Variants in PTPRT observed in about 807,000 individuals in gnomAD.
The protein encoded by PTPRT is receptor-type tyrosine-protein phosphatase T.
PTPRT carries 56 observed loss-of-function variants against 176.8 expected under a neutral mutation model. The ratio of observed to expected loss-of-function variants is 0.32; its 90% confidence interval spans 0.26 to 0.40. PTPRT has a LOEUF of 0.40. Ranked by LOEUF, PTPRT falls within the 10% of genes least tolerant of loss-of-function variation. The pLI, the probability that PTPRT is intolerant of heterozygous loss-of-function variation, is 1.00. For synonymous variants in PTPRT, 783 were observed against 739.0 expected (o/e 1.06, Z -0.96); for missense variants, 1,540 against 1,908.2 (o/e 0.81, Z 3.60).
chr20:42,034,525 T>C, the PTPRT span, among the ~76,000 whole-genome samples: 1 of 152,126 alleles, frequency 6.6e-6, no homozygotes, highest in Non-Finnish European at 1.5e-5. Context: ...TACCTAAAGA[T>C]TGAGTCTCAG....
intron 7 of PTPRT, among the ~76,000 whole-genome samples, chr20:42,583,419 G>A (rs914085863): frequency 6.6e-6 from 1 of 152,186 alleles, no homozygotes; most frequent in African/African-American, 2.4e-5. Flanking sequence ...TGTCTAAACA[G>A]CCATGCAAAA....
At chr20:43,027,544 A>G (rs1291549785) in intron 1 of PTPRT, among the ~76,000 whole-genome samples, 1 of 152,052 alleles carries the variant, frequency 6.6e-6, no homozygotes, top group East Asian at 1.9e-4. Flanking sequence ...AGAAGAAGAA[A>G]TTTGGACAGA....
intron 9 of PTPRT, among the ~76,000 whole-genome samples, chr20:42,443,498 G>A (rs140216317): frequency 2.0e-5 from 3 of 152,354 alleles, no homozygotes; most frequent in Admixed American, 6.5e-5. Context: ...CCACTAAAGT[G>A]CAAATCCCCA....
chr20:42,555,240 T>C (rs1304865717), intron 7 of PTPRT, among the ~76,000 whole-genome samples: 2 of 152,206 alleles, frequency 1.3e-5, no homozygotes, highest in African/African-American at 4.8e-5. Flanking sequence ...TCATCCATTG[T>C]TTATCTTCAT....
At chr20:42,614,934 T>A (rs1046548077) in intron 7 of PTPRT, among the ~76,000 whole-genome samples, 1 of 141,118 alleles carries the variant, frequency 7.1e-6, no homozygotes, top group East Asian at 2.0e-4. Flanking sequence ...TTTTTTTTTT[T>A]CTATTTTTTT....
the PTPRT span, among the ~76,000 whole-genome samples, chr20:42,031,950 G>A: frequency 3.3e-5 from 5 of 152,124 alleles, no homozygotes; most frequent in African/African-American, 1.2e-4. Flanking sequence ...ACTGTGAGAT[G>A]TGTACACTAT....
intron 9 of PTPRT, among the ~76,000 whole-genome samples, chr20:42,369,585 C>G (rs981376826): frequency 1.3e-5 from 2 of 152,112 alleles, no homozygotes; most frequent in African/African-American, 4.8e-5. Context: ...AGCTCAAAGG[C>G]CCAGAGATAG....
intron 27 of PTPRT, among the ~76,000 whole-genome samples, chr20:42,092,877 C>T (rs544942473): frequency 1.3e-5 from 2 of 152,356 alleles, no homozygotes; most frequent in Admixed American, 6.5e-5. Context: ...CTCAGGCACC[C>T]TCACCTTTCC....
chr20:42,105,194 C>G (rs1389435973), intron 24 of PTPRT, among the ~76,000 whole-genome samples: 1 of 152,190 alleles, frequency 6.6e-6, no homozygotes, highest in Non-Finnish European at 1.5e-5. Context: ...ACGCATGTGT[C>G]TCAGAGTTCG....
intron 2 of PTPRT, among the ~76,000 whole-genome samples, chr20:42,872,520 A>G (rs208187): frequency 0.26 from 38,975 of 152,154 alleles, 5,051 homozygotes; most frequent in African/African-American, 0.29. Flanking sequence ...TTCCTCTGCA[A>G]AGAAGCAGAA....
rs530152786 is a variant in PTPRT at position 42,644,619 on chromosome 20, T to C, written c.1153+33247A>G. ...GGAGGGTAATGACCCTGGGTCTTCCTCATCTCTGGTCATGAGCCCTCAAAG... is the reference window on the plus strand; with the variant it reads ...GGAGGGTAATGACCCTGGGTCTTCCCCATCTCTGGTCATGAGCCCTCAAAG... On this transcript the variant is annotated intron_variant, in intron 7 of 30. Transcript: ENST00000373187. Among the ~76,000 whole-genome samples the C allele has an allele frequency of 1.1e-4, 17 of 152,208 alleles. No individual in the cohort carries two copies. The South Asian group carries it at 3.5e-3, about 32-fold the overall frequency.
At chr20:43,038,215 C>T (rs980870398) in intron 1 of PTPRT, among the ~76,000 whole-genome samples, 7 of 150,670 alleles carry the variant, frequency 4.6e-5, no homozygotes, top group Admixed American at 1.3e-4. Flanking sequence ...TAATAAAATA[C>T]GAATTACAAA....
At chr20:42,769,109 C>T (rs73907265) in intron 5 of PTPRT, among the ~76,000 whole-genome samples, 30,409 of 152,072 alleles carry the variant, frequency 0.2, 3,175 homozygotes, top group African/African-American at 0.22. Context: ...ACTGAGGTGA[C>T]GTGGAGGTTT....
chr20:42,769,939 G>A lies in PTPRT; in HGVS notation c.684+1496C>T, dbSNP rs535011984. On this transcript the variant is annotated intron_variant, in intron 5 of 30. Transcript: ENST00000373187. ...ACATACTGTCAGAAAGCAGATTGGCGGTTGCTTGTGACAAACGGGAGTGGG... is the reference window on the plus strand; with the variant it reads ...ACATACTGTCAGAAAGCAGATTGGCAGTTGCTTGTGACAAACGGGAGTGGG... Among the ~76,000 whole-genome samples, 8 of 152,232 alleles carry A rather than the reference G, an allele frequency of 5.3e-5. No homozygotes were observed. The East Asian group carries it at 7.7e-4, about 15-fold the overall frequency.
intron 14 of PTPRT, among the ~76,000 whole-genome samples, chr20:42,238,660 T>C (rs1453535402): frequency 6.6e-6 from 1 of 152,196 alleles, no homozygotes; most frequent in Non-Finnish European, 1.5e-5. Flanking sequence ...GAGGCCAGCA[T>C]TATAATCTCA....
At chr20:42,856,338 T>C (rs539642866) in intron 2 of PTPRT, among the ~76,000 whole-genome samples, 2 of 152,262 alleles carry the variant, frequency 1.3e-5, no homozygotes, top group South Asian at 2.1e-4. Context: ...CCCACTGATA[T>C]AGTGGTCAAG....
At chr20:43,110,880 C>G (rs1314925756) in intron 1 of PTPRT, among the ~76,000 whole-genome samples, 1 of 152,128 alleles carries the variant, frequency 6.6e-6, no homozygotes, top group Non-Finnish European at 1.5e-5. Context: ...CTTTTCTGAC[C>G]TCCACTCTTA....
chr20:42,643,094 C>A (rs1015114675), intron 7 of PTPRT, among the ~76,000 whole-genome samples: 2 of 152,180 alleles, frequency 1.3e-5, no homozygotes, highest in Non-Finnish European at 2.9e-5. Flanking sequence ...CTAGTTCCAG[C>A]TGACCTGCTA....
intron 7 of PTPRT, among the ~76,000 whole-genome samples, chr20:42,554,582 C>T (rs2072828300): frequency 6.6e-6 from 1 of 152,094 alleles, no homozygotes; most frequent in Non-Finnish European, 1.5e-5. Context: ...AAATCTTTCT[C>T]ATGTTGTCAG....
Sources: gnomAD v4.1 joint callset for allele counts (sites outside exome capture counted in the v4.1 genomes callset) on GRCh38, gnomAD v4.1.1 for gene constraint, MANE v1.5 for transcripts, NCBI Gene and HGNC (gene_info 2026-07-23, HGNC 2026-07-21) for gene names.